Variants in MTMR9 observed in about 807,000 individuals in gnomAD.
MTMR9 encodes the protein myotubularin-related protein 9.
Under a neutral mutation model 69.5 loss-of-function variants are expected in MTMR9, and 39 were observed. The observed-to-expected ratio is 0.56, with a 90% CI of 0.43 to 0.73. MTMR9 has a LOEUF of 0.73. MTMR9 is among the 30% of genes least tolerant of loss of function. The pLI is 0.00. For missense variants in MTMR9, 900 were observed against 671.2 expected (o/e 1.34, Z -3.77); for synonymous variants, 354 against 240.8 (o/e 1.47, Z -4.35).
chr8:11,294,534 C>G (rs1448493507), intron 1 of MTMR9, among the ~76,000 whole-genome samples: 1 of 125,268 alleles, frequency 8.0e-6, no homozygotes, highest in East Asian at 2.5e-4. Context: ...AGAGTCTCAA[C>G]TCTGTCACCT....
rs1331013581 is a variant in MTMR9, at chr8:11,287,833, CA to C, written c.182+2764del. Among the ~76,000 whole-genome samples, 186 of 116,108 alleles carry C rather than the reference CA, an allele frequency of 1.6e-3. 1 individual carries two copies. The highest frequency in any genetic ancestry group is 6.2e-3 in the African/African-American group (178 of 28,790). The allele number at this position is 116,108 out of a possible 152,430, so 76.2% of individuals were successfully genotyped here. A position where few individuals can be genotyped will look rare whatever the true frequency, so the allele number is the denominator to read the frequency against. On this transcript the variant is annotated intron_variant, in intron 1 of 9. Transcript: ENST00000221086. ...AATACATATAATATATAATATATAA[CA>C]TTATATATTTTATTATATATGTTAT...
rs769602980 is a variant in MTMR9, at chr8:11,316,846, T to C, written c.1287T>C (p.Ala429=). Residue 429 remains alanine (A), a synonymous_variant, in exon 8 of 10, where the codon GCT becomes GCC. Transcript: ENST00000221086. ...TCCTCATCATGCTCTTTGAGCATGCTTATGCCTCACAGTTTGGAACATTTC... is the reference window on the plus strand; with the variant it reads ...TCCTCATCATGCTCTTTGAGCATGCCTATGCCTCACAGTTTGGAACATTTC... ...ENFLIMLFEH[A]YASQFGTFLG... 7.8e-5 allele frequency: 126 copies of C among 1,612,870 alleles called. No individual in the cohort carries two copies. In the South Asian group the frequency reaches 1.4e-3, roughly 17 times the overall value.
At chr8:11,332,610 T>C (rs905033408), downstream of MTMR9, among the ~76,000 whole-genome samples, 1 of 151,702 alleles carries the variant, frequency 6.6e-6, no homozygotes, top group Non-Finnish European at 1.5e-5. Context: ...TTTTTTGCTT[T>C]TTTTTTTCTG....
chr8:11,287,126 G>C (rs1203062667), intron 1 of MTMR9, among the ~76,000 whole-genome samples: 2 of 152,134 alleles, frequency 1.3e-5, no homozygotes, highest in African/African-American at 4.8e-5. Flanking sequence ...AAATTCTTCT[G>C]TTAATTCCAC....
At chr8:11,319,631 T>G in intron 8 of MTMR9, 56 bp from the exon 9 acceptor site, 1 of 1,573,976 alleles carries the variant, frequency 6.4e-7, no homozygotes, top group Admixed American at 1.7e-5. Context: ...AGAGGAGCAC[T>G]CAATAATGGT....
chr8:11,308,852 G>T (rs1328495833), intron 5 of MTMR9, among the ~76,000 whole-genome samples: 1 of 152,166 alleles, frequency 6.6e-6, no homozygotes, highest in Non-Finnish European at 1.5e-5. Context: ...GCCTGCAGGA[G>T]TCCCTTTCAC....
chr8:11,331,128 T>C, downstream of MTMR9: 1 of 1,604,460 alleles, frequency 6.2e-7, no homozygotes, highest in South Asian at 1.1e-5. Flanking sequence ...TCACCCCTAC[T>C]TCAACCTGCC....
chr8:11,329,158 C>T (rs754485740), downstream of MTMR9, among the ~76,000 whole-genome samples: 1 of 152,200 alleles, frequency 6.6e-6, no homozygotes, highest in African/African-American at 2.4e-5. Context: ...CACTGGAAGG[C>T]TGAGGCAGGA....
At chr8:11,290,206 G>A (rs1799331949) in intron 1 of MTMR9, among the ~76,000 whole-genome samples, 1 of 151,818 alleles carries the variant, frequency 6.6e-6, no homozygotes, top group Non-Finnish European at 1.5e-5. Context: ...AATTATTAGT[G>A]TTTAATTATC....
intron 5 of MTMR9, 131 bp downstream of exon 5, chr8:11,306,538 ATCT>A: frequency 1.3e-6 from 1 of 776,674 alleles, no homozygotes; most frequent in Non-Finnish European, 2.0e-6. Context: ...TGGGCTAGCC[ATCT>A]TCTCATTTTT....
intron 9 of MTMR9, chr8:11,320,400 A>G (rs1232410449): frequency 6.6e-6 from 1 of 152,258 alleles, no homozygotes; most frequent in Non-Finnish European, 1.5e-5. Context: ...ATTGAAGCTT[A>G]TCCCCTTAAG....
downstream of MTMR9, among the ~76,000 whole-genome samples, chr8:11,329,378 G>A (rs1298145524): frequency 1.3e-5 from 2 of 152,222 alleles, no homozygotes; most frequent in African/African-American, 2.4e-5. Flanking sequence ...AAGCTGGACT[G>A]TACTGCTGCC....
At chr8:11,294,714 C>G (rs1799489546) in intron 1 of MTMR9, 1 of 152,314 alleles carries the variant, frequency 6.6e-6, no homozygotes, top group Non-Finnish European at 1.5e-5. Flanking sequence ...TGGTCTTGAT[C>G]TCCTGACCTC....
At chr8:11,328,612 A>C (rs536318224), downstream of MTMR9, among the ~76,000 whole-genome samples, 17 of 152,252 alleles carry the variant, frequency 1.1e-4, no homozygotes, top group Non-Finnish European at 2.9e-5. Context: ...ACTATTTGGC[A>C]TATTATTACA....
intron 7 of MTMR9, chr8:11,316,354 C>A (rs758268084): frequency 8.9e-5 from 16 of 180,134 alleles, no homozygotes; most frequent in Non-Finnish European, 1.8e-4. Flanking sequence ...TTTTGTAGAC[C>A]TAGAAAGGTT....
At chr8:11,286,328 A>C (rs998958648) in intron 1 of MTMR9, among the ~76,000 whole-genome samples, 1 of 151,598 alleles carries the variant, frequency 6.6e-6, no homozygotes, top group African/African-American at 2.4e-5. Flanking sequence ...TGATATGAGC[A>C]GGGGGCTCTT....
chr8:11,311,683 A>G (rs1394131940), intron 6 of MTMR9, among the ~76,000 whole-genome samples: 1 of 152,170 alleles, frequency 6.6e-6, no homozygotes, highest in Non-Finnish European at 1.5e-5. Flanking sequence ...GAAGCTTTGA[A>G]TGGCTGTGGC....
At chr8:11,302,144 C>T (rs546828457) in intron 3 of MTMR9, among the ~76,000 whole-genome samples, 89 of 150,410 alleles carry the variant, frequency 5.9e-4, no homozygotes, top group African/African-American at 2.1e-3. Context: ...TCCCAGTTAC[C>T]TGGGGGTCTG....
At chr8:11,314,226 A>C (rs141843939) in intron 6 of MTMR9, among the ~76,000 whole-genome samples, 51 of 152,352 alleles carry the variant, frequency 3.3e-4, no homozygotes, top group Non-Finnish European at 5.9e-4. Flanking sequence ...TTGTTTCAAC[A>C]GAAAGGGTAG....
Sources: allele counts gnomAD v4.1 joint callset (sites outside exome capture counted in the v4.1 genomes callset), GRCh38; gene constraint gnomAD v4.1.1; transcripts MANE v1.5; gene names NCBI Gene and HGNC (gene_info 2026-07-23, HGNC 2026-07-21).